TMEM132C: variants seen among roughly 807,000 people sequenced by gnomAD.
TMEM132C encodes transmembrane protein 132C.
In TMEM132C, 29 loss-of-function variants were observed where a neutral mutation model predicts 61.4. That is an observed-to-expected ratio of 0.47 (90% CI 0.35 to 0.64). The LOEUF (loss-of-function observed/expected upper bound fraction) is 0.64. Among genes scored for constraint, TMEM132C ranks in the 30% least tolerant of loss-of-function variants. The probability of loss-of-function intolerance (pLI) is 0.00; values close to 1 mark genes in which losing one functional copy is unlikely to be tolerated. For missense variants in TMEM132C, 1,408 were observed against 1,476.9 expected, an observed-to-expected ratio of 0.95 and a Z score of 0.76; for synonymous variants, 656 against 633.1, an observed-to-expected ratio of 1.04 and a Z score of -0.54.
At chr12:128,449,272 G>T (rs1870101953) in intron 2 of TMEM132C, among the ~76,000 whole-genome samples, 1 of 152,066 alleles carries the variant, frequency 6.6e-6, no homozygotes, top group Non-Finnish European at 1.5e-5. Flanking sequence ...GCTCTGGGGG[G>T]CATGTGCTCT....
chr12:128,664,600 G>A (rs1225227357), intron 4 of TMEM132C, among the ~76,000 whole-genome samples: 2 of 152,220 alleles, frequency 1.3e-5, no homozygotes, highest in African/African-American at 2.4e-5. Flanking sequence ...AACACCTACT[G>A]GGGTCGGCAG....
chr12:128,548,189 C>A (rs1363811104), intron 3 of TMEM132C, among the ~76,000 whole-genome samples: 1 of 152,138 alleles, frequency 6.6e-6, no homozygotes, highest in Non-Finnish European at 1.5e-5. Context: ...ACCAAGGGCC[C>A]CCCAATCCCT....
At chr12:128,295,353 G>T (rs1871374343) in intron 1 of TMEM132C, among the ~76,000 whole-genome samples, 1 of 152,112 alleles carries the variant, frequency 6.6e-6, no homozygotes, top group African/African-American at 2.4e-5. Context: ...TAAATATTTG[G>T]TATAGCTATA....
At chr12:128,552,114 G>A (rs1189105558) in intron 3 of TMEM132C, among the ~76,000 whole-genome samples, 4 of 152,190 alleles carry the variant, frequency 2.6e-5, no homozygotes, top group Admixed American at 6.5e-5. Flanking sequence ...CCTGCCTGCC[G>A]CTCCACTTCC....
rs191774141 is a variant in TMEM132C, at chr12:128,463,135, C to T, written c.974+47515C>T. Among the ~76,000 whole-genome samples the T allele has an allele frequency of 3.8e-3, 575 of 152,196 alleles. 2 individuals are homozygous for T. The highest frequency in any genetic ancestry group is 0.012 in the African/African-American group (493 of 41,542). On this transcript the variant is annotated intron_variant, in intron 2 of 8. Coordinates refer to ENST00000435159, the MANE Select transcript of TMEM132C (RefSeq NM_001136103.3). ...AGCAAAAGCTAGCCTGGAGGTCTTC[C>T]GGCTACCTCCAATTATATATCACCA...
chr12:128,686,585 C>T (rs1469996455), intron 5 of TMEM132C, among the ~76,000 whole-genome samples: 3 of 151,868 alleles, frequency 2.0e-5, no homozygotes, highest in African/African-American at 4.8e-5. Context: ...AGAGCAAGAC[C>T]CTGTCTCTGT....
chr12:128,329,671 C>T (rs1390016593), intron 1 of TMEM132C, among the ~76,000 whole-genome samples: 3 of 152,102 alleles, frequency 2.0e-5, no homozygotes, highest in East Asian at 1.9e-4. Context: ...TGCTGCACCT[C>T]GGAGACCCCC....
At chr12:128,284,110 A>G (rs1870982673) in intron 1 of TMEM132C, among the ~76,000 whole-genome samples, 2 of 152,220 alleles carry the variant, frequency 1.3e-5, no homozygotes, top group Non-Finnish European at 2.9e-5. Flanking sequence ...CACGTTGACC[A>G]GAGAGGACCA....
At chr12:128,349,413 C>T (rs1334706760) in intron 1 of TMEM132C, among the ~76,000 whole-genome samples, 3 of 152,206 alleles carry the variant, frequency 2.0e-5, no homozygotes, top group Non-Finnish European at 1.5e-5. Context: ...CCACTGAATC[C>T]TTCAAGCTTG....
intron 2 of TMEM132C, among the ~76,000 whole-genome samples, chr12:128,446,400 C>G (rs1004295616): frequency 2.0e-5 from 3 of 152,204 alleles, no homozygotes; most frequent in Non-Finnish European, 4.4e-5. Flanking sequence ...TGTCCCTGAG[C>G]CCACAAATGC....
rs564143111 is a variant in TMEM132C at position 128,413,169 on chromosome 12, G to A, written c.86-1563G>A. On this transcript the variant is annotated intron_variant, in intron 1 of 8. Coordinates refer to ENST00000435159, the MANE Select transcript of TMEM132C (RefSeq NM_001136103.3). ...AAAAAATTAGCCAGGCATGGTGGTG[G>A]GCACCTGTAGTCCCAGCTACTCGGG... Among the ~76,000 whole-genome samples, 26 of 151,946 alleles carry A rather than the reference G, an allele frequency of 1.7e-4. No homozygotes were observed. The South Asian group carries it at 5.2e-3, about 30-fold the overall frequency.
chr12:128,515,006 AG>A (rs754495606), intron 2 of TMEM132C, among the ~76,000 whole-genome samples: 1 of 152,240 alleles, frequency 6.6e-6, no homozygotes, highest in Non-Finnish European at 1.5e-5. Context: ...TACAATGCTA[AG>A]AGTCTGGACA....
chr12:128,488,734 T>G (rs1450428985), intron 2 of TMEM132C, among the ~76,000 whole-genome samples: 1 of 151,594 alleles, frequency 6.6e-6, no homozygotes, highest in Non-Finnish European at 1.5e-5. Flanking sequence ...ATACTTGTTT[T>G]CTGTTCCTAC....
chr12:128,644,347 T>G (rs1160641592), intron 4 of TMEM132C, among the ~76,000 whole-genome samples: 1 of 152,198 alleles, frequency 6.6e-6, no homozygotes, highest in Non-Finnish European at 1.5e-5. Context: ...CCATGTGTCC[T>G]TTAACTGGGG....
At chr12:128,669,948 T>C (rs1157099712) in intron 5 of TMEM132C, among the ~76,000 whole-genome samples, 2 of 152,226 alleles carry the variant, frequency 1.3e-5, no homozygotes, top group African/African-American at 4.8e-5. Flanking sequence ...CACAATTACT[T>C]TTGTACCAAC....
At chr12:128,667,118 T>G (rs143374382) in intron 4 of TMEM132C, among the ~76,000 whole-genome samples, 1 of 152,190 alleles carries the variant, frequency 6.6e-6, no homozygotes, top group Non-Finnish European at 1.5e-5. Context: ...TAGAGATATA[T>G]ATACATACAC....
intron 4 of TMEM132C, among the ~76,000 whole-genome samples, chr12:128,623,320 T>G (rs1953984390): frequency 6.6e-6 from 1 of 152,040 alleles, no homozygotes; most frequent in Non-Finnish European, 1.5e-5. Context: ...GGGACTTGCT[T>G]TACTTAGAAA....
intron 2 of TMEM132C, among the ~76,000 whole-genome samples, chr12:128,422,986 A>G (rs778440720): frequency 5.9e-5 from 9 of 152,198 alleles, no homozygotes; most frequent in Non-Finnish European, 1.2e-4. Flanking sequence ...AACTGAAAAT[A>G]GAACAGCAAT....
chr12:128,628,517 C>T (rs924332392), intron 4 of TMEM132C, among the ~76,000 whole-genome samples: 4 of 152,208 alleles, frequency 2.6e-5, no homozygotes, highest in African/African-American at 7.2e-5. Context: ...ATGCCCTGAC[C>T]GGCTTGATTT....
Sources: gnomAD v4.1 joint callset for allele counts (sites outside exome capture counted in the v4.1 genomes callset) on GRCh38, gnomAD v4.1.1 for gene constraint, MANE v1.5 for transcripts, NCBI Gene and HGNC (gene_info 2026-07-23, HGNC 2026-07-21) for gene names.